The following PLAUR variants were observed in gnomAD, a reference collection of about 807,000 sequenced individuals.
PLAUR encodes plasminogen activator, urokinase receptor.
Under a neutral mutation model 33.4 loss-of-function variants are expected in PLAUR, and 22 were observed. That is an observed-to-expected ratio of 0.66 (90% CI 0.47 to 0.94). PLAUR has a LOEUF of 0.94. Ranked by LOEUF, PLAUR falls within the 40% of genes least tolerant of loss-of-function variation. PLAUR has a pLI of 0.00. For synonymous variants in PLAUR, 148 were observed against 167.3 expected, an observed-to-expected ratio of 0.88 and a Z score of 0.89; for missense variants, 408 against 434.7, an observed-to-expected ratio of 0.94 and a Z score of 0.55.
intron 1 of PLAUR, among the ~76,000 whole-genome samples, chr19:43,668,522 C>T (rs1967370204): frequency 2.0e-5 from 3 of 149,754 alleles, no homozygotes; most frequent in Admixed American, 6.8e-5. Flanking sequence ...CCCTAGTTTT[C>T]CCCTGAGGTC....
At chr19:43,649,279 G>A (rs1568549970) in intron 6 of PLAUR, 136 bp from the exon 7 acceptor site, 4 of 975,056 alleles carry the variant, frequency 4.1e-6, no homozygotes, top group Non-Finnish European at 6.1e-6. Flanking sequence ...TCAGGGCCAG[G>A]TGTGGTGGCT....
intron 3 of PLAUR, among the ~76,000 whole-genome samples, chr19:43,659,549 C>T (rs1974355432): frequency 6.6e-6 from 1 of 152,134 alleles, no homozygotes; most frequent in South Asian, 2.1e-4. Flanking sequence ...GCTCATCACT[C>T]ACAAATCTCT....
intron 3 of PLAUR, chr19:43,664,972 T>A (rs1600141233): frequency 3.4e-6 from 1 of 297,230 alleles, no homozygotes; most frequent in East Asian, 5.7e-5. Flanking sequence ...AGTAATTGTG[T>A]CGTTGGGGTG....
intron 3 of PLAUR, among the ~76,000 whole-genome samples, chr19:43,663,032 A>G (rs1009558308): frequency 6.6e-6 from 1 of 151,978 alleles, no homozygotes; most frequent in Non-Finnish European, 1.5e-5. Context: ...TCATCCTTCA[A>G]GATCCAGCTT....
intron 1 of PLAUR, 30 bp downstream of exon 1, chr19:43,670,036 A>G: frequency 6.2e-7 from 1 of 1,610,492 alleles, no homozygotes; most frequent in East Asian, 2.2e-5. Flanking sequence ...ACCCTGTTCC[A>G]GGCGCAGGCG....
chr19:43,665,439 C>T lies in PLAUR; in HGVS notation c.187G>A (p.Val63Met), dbSNP rs1223168695. The T allele has an allele frequency of 6.2e-7, 1 of 1,613,250 alleles. No individual in the cohort carries two copies. The highest frequency in any genetic ancestry group is 8.5e-7 in the Non-Finnish European group (1 of 1,179,896). ...LWEEGEELEL[V>M]EKSCTHSEKT... ...TCTGAGTGGGTACAGCTTTTCTCCA[C>T]CAGCTCCAGCTCTTCTCCTTCTGCA... Residue 63 changes from valine (V) to methionine (M), a missense_variant, in exon 3 of 7, where the codon GTG becomes ATG. Val to Met is a conservative substitution (Grantham distance 21). Transcript: ENST00000340093.
intron 5 of PLAUR, among the ~76,000 whole-genome samples, chr19:43,654,873 C>G (rs537544861): frequency 4.6e-5 from 7 of 152,164 alleles, no homozygotes; most frequent in Admixed American, 3.3e-4. Flanking sequence ...CAGGTGGTGG[C>G]AGTGGAGCAG....
At chr19:43,656,429 TAGGGAGGAGCAGAGC>T (rs1385724024) in intron 4 of PLAUR, 35 bp downstream of exon 4, 1 of 1,508,982 alleles carries the variant, frequency 6.6e-7, no homozygotes, top group East Asian at 2.3e-5. Flanking sequence ...AGTGCAGTCT[TAGGGAGGAGCAGAGC>T]AGGGAGGAGG....
At chr19:43,652,677 G>A (rs1974045435) in intron 5 of PLAUR, among the ~76,000 whole-genome samples, 1 of 152,036 alleles carries the variant, frequency 6.6e-6, no homozygotes, top group African/African-American at 2.4e-5. Context: ...TTGATACAGG[G>A]TCTCAGTTTG....
At chr19:43,659,182 T>TTTTTTTTTTA (rs1974337306) in intron 3 of PLAUR, among the ~76,000 whole-genome samples, 3 of 147,212 alleles carry the variant, frequency 2.0e-5, no homozygotes, top group Non-Finnish European at 1.5e-5. Flanking sequence ...TTTTTTTTTT[T>TTTTTTTTTTA]GAGATAGGGT....
intron 5 of PLAUR, 74 bp from the exon 6 acceptor site, chr19:43,652,445 C>G: frequency 7.0e-7 from 1 of 1,426,494 alleles, no homozygotes; most frequent in Non-Finnish European, 9.8e-7. Context: ...ATGACCTCCC[C>G]AGGACTTCCA....
In PLAUR at chr19:43,670,009, C is replaced by G; in HGVS notation, c.55+57G>C. 4 of 1,547,242 alleles carry G rather than the reference C, an allele frequency of 2.6e-6. No individual in the cohort carries two copies. In the South Asian group the frequency reaches 4.5e-5, roughly 17 times the overall value. On this transcript the variant is annotated intron_variant, in intron 1 of 6. Coordinates refer to ENST00000340093, the MANE Select transcript of PLAUR (RefSeq NM_002659.4). ...CCTCCAACTCATCCTCTGACAACCC[C>G]CAACCCCCTCAATTAGACCCTGTTC...
At chr19:43,650,034 T>C (rs2146195210) in intron 6 of PLAUR, among the ~76,000 whole-genome samples, 1 of 148,100 alleles carries the variant, frequency 6.8e-6, no homozygotes, top group East Asian at 2.0e-4. Context: ...TTTTTTGAGA[T>C]GGAGTCTCAC....
intron 5 of PLAUR, among the ~76,000 whole-genome samples, chr19:43,653,909 A>T (rs938266503): frequency 6.6e-6 from 1 of 151,742 alleles, no homozygotes; most frequent in East Asian, 1.9e-4. Context: ...GCGGATCATG[A>T]GGTCAGGAGA....
At chr19:43,652,129 C>T (rs1974017413) in intron 6 of PLAUR, 96 bp downstream of exon 6, 1 of 1,562,102 alleles carries the variant, frequency 6.4e-7, no homozygotes, top group Admixed American at 1.8e-5. Context: ...ACAGGGAGAC[C>T]CACCACAGTT....
At chr19:43,656,081 C>T (rs1017407651) in intron 4 of PLAUR, among the ~76,000 whole-genome samples, 1 of 151,870 alleles carries the variant, frequency 6.6e-6, no homozygotes, top group African/African-American at 2.4e-5. Flanking sequence ...GGTGAAACCC[C>T]ATCTCTACTA....
chr19:43,656,715 C>T, intron 3 of PLAUR, 75 bp from the exon 4 acceptor site: 2 of 1,258,472 alleles, frequency 1.6e-6, no homozygotes, highest in Non-Finnish European at 2.2e-6. Flanking sequence ...AGGACTCACT[C>T]AAAATCAATT....
intron 2 of PLAUR, 78 bp from the exon 3 acceptor site, chr19:43,665,537 A>G: frequency 6.8e-7 from 1 of 1,462,672 alleles, no homozygotes; most frequent in South Asian, 1.2e-5. Flanking sequence ...TCTCAAGGTC[A>G]TCCACTCCCA....
At chr19:43,650,917 C>T (rs997965902) in intron 6 of PLAUR, among the ~76,000 whole-genome samples, 7 of 151,120 alleles carry the variant, frequency 4.6e-5, no homozygotes, top group Non-Finnish European at 7.4e-5. Flanking sequence ...CCTGTAATCC[C>T]AGCTATGCAG....
Sources: gnomAD v4.1 joint callset for allele counts (sites outside exome capture counted in the v4.1 genomes callset) on GRCh38, gnomAD v4.1.1 for gene constraint, MANE v1.5 for transcripts, NCBI Gene and HGNC (gene_info 2026-07-23, HGNC 2026-07-21) for gene names.